The following PLA2G7 variants were observed in gnomAD, a reference collection of about 807,000 sequenced individuals.
PLA2G7 encodes phospholipase A2 group VII, also known as platelet-activating factor acetylhydrolase.
Under a neutral mutation model 49.6 loss-of-function variants are expected in PLA2G7, and 63 were observed. That is an observed-to-expected ratio of 1.27 (90% CI 1.04 to 1.57). The LOEUF (loss-of-function observed/expected upper bound fraction) is 1.57, where lower values mean the gene tolerates loss of function less well. Ranked by LOEUF, PLA2G7 falls within the 40% of genes most tolerant of loss-of-function variation. The probability of loss-of-function intolerance (pLI) is 0.00; values close to 1 mark genes in which losing one functional copy is unlikely to be tolerated. For missense variants in PLA2G7, 596 were observed against 521.2 expected (o/e 1.14, Z -1.40); for synonymous variants, 193 against 169.9 (o/e 1.14, Z -1.06).
intron 7 of PLA2G7, 49 bp downstream of exon 7, chr6:46,711,447 T>A: frequency 1.2e-6 from 2 of 1,605,716 alleles, no homozygotes; most frequent in Non-Finnish European, 1.7e-6. Flanking sequence ...GTCATCCTTT[T>A]GTACATGCTT....
In PLA2G7 at chr6:46,704,441, T is replaced by TTCTCTCTC. The variant is rs368946627; in HGVS notation, c.*111_*118dup. ...AGTCCTTTGGGAAAATACATTAAAA[T>TTCTCTCTC]TCTCTCTCTCTCTCTCTCTCTCTCT... is the stretch of plus-strand genomic sequence containing the variant. On this transcript the variant is annotated 3_prime_UTR_variant, in exon 12 of 12. Coordinates refer to ENST00000274793, the MANE Select transcript of PLA2G7 (RefSeq NM_005084.4). 9.5e-4 allele frequency: 525 copies of TTCTCTCTC among 552,502 alleles called. 2 individuals carry two copies. The highest frequency in any genetic ancestry group is 2.3e-3 in the South Asian group (138 of 58,724). 34.2% of individuals were successfully genotyped at this position (552,502 alleles called of 1,614,324 possible).
At chr6:46,710,496 A>C in intron 8 of PLA2G7, 49 bp downstream of exon 8, 1 of 1,212,472 alleles carries the variant, frequency 8.2e-7, no homozygotes, top group Non-Finnish European at 1.2e-6. Context: ...AATGACAAAA[A>C]ACAATAAAGA....
intron 4 of PLA2G7, among the ~76,000 whole-genome samples, chr6:46,715,536 T>C (rs1214615430): frequency 6.6e-6 from 1 of 152,248 alleles, no homozygotes; most frequent in Non-Finnish European, 1.5e-5. Context: ...ATTGTCTTCT[T>C]TCACTTCTCA....
intron 10 of PLA2G7, among the ~76,000 whole-genome samples, chr6:46,707,218 C>A (rs1477248361): frequency 6.6e-6 from 1 of 152,056 alleles, no homozygotes; most frequent in Non-Finnish European, 1.5e-5. Flanking sequence ...AGGTCTCAGT[C>A]GATAATCTGA....
At chr6:46,708,441 A>G (rs1562068147) in intron 9 of PLA2G7, among the ~76,000 whole-genome samples, 1 of 152,220 alleles carries the variant, frequency 6.6e-6, no homozygotes, top group Non-Finnish European at 1.5e-5. Flanking sequence ...TTCAAAATAA[A>G]TTTTAGAATA....
At chr6:46,710,457 ATTG>A in intron 8 of PLA2G7, 85 bp downstream of exon 8, 1 of 855,294 alleles carries the variant, frequency 1.2e-6, no homozygotes, top group Non-Finnish European at 2.0e-6. Flanking sequence ...CCTTTATCAT[ATTG>A]TACCTTGCAA....
At chr6:46,724,937 C>A (rs1765524350) in intron 1 of PLA2G7, among the ~76,000 whole-genome samples, 1 of 152,172 alleles carries the variant, frequency 6.6e-6, no homozygotes, top group African/African-American at 2.4e-5. Flanking sequence ...ACTATATGCC[C>A]TCTCCTATGG....
At chr6:46,735,080 G>T (rs1182660355) in intron 1 of PLA2G7, 100 bp downstream of exon 1, 1 of 152,076 alleles carries the variant, frequency 6.6e-6, no homozygotes, top group East Asian at 2.0e-4. Flanking sequence ...GCGACTCAGC[G>T]AGCCCACCCC....
At chr6:46,725,236 A>T (rs1229179371) in intron 1 of PLA2G7, among the ~76,000 whole-genome samples, 5 of 148,848 alleles carry the variant, frequency 3.4e-5, no homozygotes, top group East Asian at 2.0e-4. Flanking sequence ...GGAGCTCTAA[A>T]TTTTTTTTTT....
At position 46,719,398 on chromosome 6, in the gene PLA2G7, G is replaced by T. The variant is rs566071282; in HGVS notation, c.110-2302C>A. On this transcript the variant is annotated intron_variant, in intron 2 of 11. Transcript: ENST00000274793. ...ACCAGCATCACTGGCACCAGCTGGA[G>T]CTTGGAAATGCAGGCTCCTGGACTT... Among the ~76,000 whole-genome samples the T allele has an allele frequency of 2.0e-4, 30 of 152,326 alleles. No homozygotes were observed. The South Asian group carries it at 2.5e-3, about 13-fold the overall frequency.
chr6:46,708,566 A>C (rs902400892), intron 9 of PLA2G7, among the ~76,000 whole-genome samples: 1 of 152,170 alleles, frequency 6.6e-6, no homozygotes, highest in Non-Finnish European at 1.5e-5. Context: ...TTAGAGTAAC[A>C]ATTGGGCCCA....
At chr6:46,716,681 T>C (rs1452271838) in intron 3 of PLA2G7, among the ~76,000 whole-genome samples, 153 bp from the exon 4 acceptor site, 1 of 152,196 alleles carries the variant, frequency 6.6e-6, no homozygotes, top group Non-Finnish European at 1.5e-5. Context: ...TGATTGAAGA[T>C]AGTCATGAAA....
rs199632233 is a variant in PLA2G7, at chr6:46,709,386, A to C, written c.810T>G (p.Ile270Met). 1 of 1,605,610 alleles carries C rather than the reference A, an allele frequency of 6.2e-7. No individual in the cohort carries two copies. The highest frequency in any genetic ancestry group is 8.5e-7 in the Non-Finnish European group (1 of 1,172,812). ...CCGTTGCTCCACCAAAAGAATGTCC[A>C]ATTACTGCTATTTTTTCCCTATCAA... ...DSIDREKIAV[I>M]GHSFGGATVI... The change falls in exon 9 of 12, where the codon ATT (isoleucine) becomes ATG (methionine). Residue 270 changes from isoleucine (I) to methionine (M), a missense_variant. Physicochemically the swap from Ile to Met is conservative, Grantham distance 10. Transcript: ENST00000274793.
At chr6:46,723,474 C>T (rs1045353336) in intron 1 of PLA2G7, among the ~76,000 whole-genome samples, 8 of 152,128 alleles carry the variant, frequency 5.3e-5, no homozygotes, top group African/African-American at 1.9e-4. Flanking sequence ...TTTGTTGTCT[C>T]AGTGCCTAAT....
In PLA2G7 at chr6:46,704,531, A is replaced by G; in HGVS notation, c.*29T>C. On this transcript the variant is annotated 3_prime_UTR_variant, in exon 12 of 12. Coordinates refer to ENST00000274793, the MANE Select transcript of PLA2G7 (RefSeq NM_005084.4). ...ACACATAATTTTAGACAGTTTTGAA[A>G]CAAGACTTTTAAAAAACCTATTTTA... The G allele has an allele frequency of 1.5e-6, 2 of 1,367,196 alleles. No individual in the cohort carries two copies. The highest frequency in any genetic ancestry group is 2.1e-6 in the Non-Finnish European group (2 of 958,624). The allele number at this position is 1,367,196 out of a possible 1,614,324, so 84.7% of individuals were successfully genotyped here.
rs1765410222 is a variant in PLA2G7, at chr6:46,721,763, G to A, written c.109+1020C>T. ...ATATTATTCTATTTCCTATGCAAAT[G>A]TAGATATAAGATATAAAACCTCTCC... On this transcript the variant is annotated intron_variant, in intron 2 of 11. Coordinates refer to ENST00000274793, the MANE Select transcript of PLA2G7 (RefSeq NM_005084.4). Among the ~76,000 whole-genome samples, 3 of 151,832 alleles carry A rather than the reference G, an allele frequency of 2.0e-5. No homozygotes were observed. In the South Asian group the frequency reaches 6.2e-4, roughly 32 times the overall value.
chr6:46,713,737 G>T (rs1432036194), intron 5 of PLA2G7, among the ~76,000 whole-genome samples: 1 of 152,158 alleles, frequency 6.6e-6, no homozygotes, highest in East Asian at 1.9e-4. Context: ...ATGAAAATGT[G>T]CCACTCAGCT....
At position 46,704,464 on chromosome 6, in the gene PLA2G7, TCTCTCTCTCTCTCTCACA is replaced by T. The variant is rs760107897; in HGVS notation, c.*78_*95del. The stretch of plus-strand genomic sequence containing the variant: ...AATTCTCTCTCTCTCTCTCTCTCTC[TCTCTCTCTCTCTCTCACA>T]CACACACACACACACACACACACAC... On this transcript the variant is annotated 3_prime_UTR_variant, in exon 12 of 12. Transcript: ENST00000274793. 6.6e-4 allele frequency: 398 copies of T among 599,734 alleles called. No individual in the cohort carries two copies. The African/African-American group carries it at 8.1e-3, about 12-fold the overall frequency. The allele number at this position is 599,734 out of a possible 1,614,324, so 37.2% of individuals were successfully genotyped here.
intron 10 of PLA2G7, among the ~76,000 whole-genome samples, chr6:46,706,631 C>A (rs577701930): frequency 2.0e-5 from 3 of 152,244 alleles, no homozygotes; most frequent in East Asian, 1.9e-4. Context: ...GGAAGCTAGA[C>A]CACAAGAGTC....
Sources: allele counts gnomAD v4.1 joint callset (sites outside exome capture counted in the v4.1 genomes callset), GRCh38; gene constraint gnomAD v4.1.1; transcripts MANE v1.5; gene names NCBI Gene and HGNC (gene_info 2026-07-23, HGNC 2026-07-21).